Variants in CALN1 observed in about 807,000 individuals in gnomAD.
The protein encoded by CALN1 is calcium-binding protein 8.
CALN1 carries 17 observed loss-of-function variants against 30.6 expected under a neutral mutation model. The observed-to-expected ratio is 0.56, with a 90% CI of 0.38 to 0.83. CALN1 has a LOEUF of 0.83. Ranked by LOEUF, CALN1 falls within the 40% of genes least tolerant of loss-of-function variation. CALN1 has a pLI of 0.00. For missense variants in CALN1, 291 were observed against 354.9 expected, an observed-to-expected ratio of 0.82 and a Z score of 1.45; for synonymous variants, 156 against 131.4, an observed-to-expected ratio of 1.19 and a Z score of -1.28.
intron 2 of CALN1, among the ~76,000 whole-genome samples, chr7:72,311,574 G>A (rs1012160481): frequency 1.5e-4 from 23 of 150,796 alleles, no homozygotes; most frequent in Middle Eastern, 3.4e-3. Context: ...CAACCTCCCC[G>A]GCTCGAGCAA....
chr7:72,098,981 G>A (rs924723145), intron 4 of CALN1, among the ~76,000 whole-genome samples: 1 of 152,098 alleles, frequency 6.6e-6, no homozygotes, highest in African/African-American at 2.4e-5. Flanking sequence ...AGGCACCCCC[G>A]CTCCCAGTGA....
At chr7:72,346,060 T>A (rs1802624687) in intron 2 of CALN1, among the ~76,000 whole-genome samples, 1 of 152,136 alleles carries the variant, frequency 6.6e-6, no homozygotes, top group South Asian at 2.1e-4. Flanking sequence ...TTTAAGAAAA[T>A]GAATGACAAG....
chr7:72,087,222 A>T (rs1231002250), intron 4 of CALN1, among the ~76,000 whole-genome samples: 1 of 152,202 alleles, frequency 6.6e-6, no homozygotes. Flanking sequence ...GAAATGAAAA[A>T]TAAGAAGTAC....
At chr7:72,235,056 G>C (rs1340332101) in intron 3 of CALN1, among the ~76,000 whole-genome samples, 1 of 152,014 alleles carries the variant, frequency 6.6e-6, no homozygotes, top group Non-Finnish European at 1.5e-5. Flanking sequence ...ATCACTTCTG[G>C]AAGTTCAGAA....
At chr7:72,058,341 G>A (rs860069) in intron 4 of CALN1, among the ~76,000 whole-genome samples, 1,281 of 74,670 alleles carry the variant, frequency 0.017, 19 homozygotes, top group African/African-American at 0.047. Flanking sequence ...TTTTTGAGAC[G>A]GAGTCTCGCA....
chr7:72,297,226 T>C (rs1010438442), intron 2 of CALN1, among the ~76,000 whole-genome samples: 7 of 152,174 alleles, frequency 4.6e-5, no homozygotes, highest in Non-Finnish European at 1.0e-4. Flanking sequence ...ATTTAAATGT[T>C]CTCTTTTATC....
At chr7:71,858,442 A>C (rs1791079502) in intron 5 of CALN1, among the ~76,000 whole-genome samples, 1 of 152,002 alleles carries the variant, frequency 6.6e-6, no homozygotes, top group Non-Finnish European at 1.5e-5. Context: ...TGAGCTGGGA[A>C]CTATGTCAGG....
intron 5 of CALN1, among the ~76,000 whole-genome samples, chr7:71,906,273 G>C (rs1454678543): frequency 2.0e-5 from 3 of 152,046 alleles, no homozygotes; most frequent in Admixed American, 6.6e-5. Flanking sequence ...CAGCCGGGCG[G>C]AACTTTCCAT....
At chr7:72,311,651 A>ATTTTTTTTTTTTTTTTT (rs56197069) in intron 2 of CALN1, among the ~76,000 whole-genome samples, 13 of 48,532 alleles carry the variant, frequency 2.7e-4, no homozygotes, top group Middle Eastern at 0.01. Flanking sequence ...CCTGGCTGAG[A>ATTTTTTTTTTTTTTTTT]TTTTTTTTTT....
intron 5 of CALN1, among the ~76,000 whole-genome samples, chr7:71,976,721 G>A (rs1052764704): frequency 2.0e-5 from 3 of 152,198 alleles, no homozygotes; most frequent in Non-Finnish European, 4.4e-5. Flanking sequence ...CAGGATGGCA[G>A]ATAGAAAAAG....
intron 5 of CALN1, among the ~76,000 whole-genome samples, chr7:71,891,589 AC>A (rs1793241825): frequency 6.6e-6 from 1 of 151,856 alleles, no homozygotes; most frequent in Non-Finnish European, 1.5e-5. Context: ...AGTGCCTATT[AC>A]ATAGGGTTCT....
chr7:72,307,948 G>A (rs572306111), intron 2 of CALN1, among the ~76,000 whole-genome samples: 1 of 151,734 alleles, frequency 6.6e-6, no homozygotes, highest in South Asian at 2.1e-4. Flanking sequence ...TTCACCAGAA[G>A]GACATTTCGT....
chr7:71,955,154 C>T (rs759156338), intron 5 of CALN1, among the ~76,000 whole-genome samples: 6 of 151,972 alleles, frequency 3.9e-5, no homozygotes, highest in African/African-American at 7.2e-5. Context: ...TCGTACATGG[C>T]GGCAGGCAGG....
chr7:72,068,308 G>A (rs542158705), intron 4 of CALN1, among the ~76,000 whole-genome samples: 1 of 152,282 alleles, frequency 6.6e-6, no homozygotes, highest in East Asian at 1.9e-4. Flanking sequence ...ATGAGAAATA[G>A]ATACGAGAAG....
chr7:72,486,360 C>A, the CALN1 span, among the ~76,000 whole-genome samples: 1 of 151,872 alleles, frequency 6.6e-6, no homozygotes. Context: ...TATATCATAC[C>A]CTTTTTTACA....
intron 6 of CALN1, among the ~76,000 whole-genome samples, chr7:71,788,889 A>C (rs1793148190): frequency 6.6e-6 from 1 of 151,960 alleles, no homozygotes; most frequent in African/African-American, 2.4e-5. Context: ...CGATCTCCTG[A>C]CCTTGTGATC....
chr7:72,214,476 C>T (rs555258562), intron 3 of CALN1, among the ~76,000 whole-genome samples: 372 of 151,332 alleles, frequency 2.5e-3, no homozygotes, highest in Middle Eastern at 0.017. Flanking sequence ...AGGACTCCAT[C>T]TCAGAAAAAA....
chr7:72,026,624 C>A (rs759518268), intron 4 of CALN1, among the ~76,000 whole-genome samples: 2 of 151,950 alleles, frequency 1.3e-5, no homozygotes, highest in Admixed American at 1.3e-4. Context: ...CTATGTTGCC[C>A]AGGCTGGTCT....
intron 5 of CALN1, among the ~76,000 whole-genome samples, chr7:71,971,936 A>C: frequency 9.6e-6 from 1 of 104,370 alleles, no homozygotes; most frequent in East Asian, 3.9e-4. Context: ...GTCTCAAAAA[A>C]AAAAAAAAAA....
Sources: allele counts gnomAD v4.1 joint callset (sites outside exome capture counted in the v4.1 genomes callset), GRCh38; gene constraint gnomAD v4.1.1; transcripts MANE v1.5; gene names NCBI Gene and HGNC (gene_info 2026-07-23, HGNC 2026-07-21).